C2orf74: variants seen among roughly 807,000 people sequenced by gnomAD.
C2orf74 encodes DPM1 ER membrane anchor 1.
Under a neutral mutation model 17.9 loss-of-function variants are expected in C2orf74, and 14 were observed. The observed-to-expected ratio is 0.78, with a 90% CI of 0.52 to 1.22. The LOEUF (loss-of-function observed/expected upper bound fraction) is 1.22, where lower values mean the gene tolerates loss of function less well. Among genes scored for constraint, C2orf74 ranks in the 50% most tolerant of loss-of-function variants. The pLI, the probability that C2orf74 is intolerant of heterozygous loss-of-function variation, is 0.00. For missense variants in C2orf74, 217 were observed against 218.4 expected (o/e 0.99, Z 0.04); for synonymous variants, 79 against 72.6 (o/e 1.09, Z -0.44).
chr2:61,164,040 G>A (rs1055983156), intron 4 of C2orf74, among the ~76,000 whole-genome samples: 11 of 152,040 alleles, frequency 7.2e-5, no homozygotes, highest in East Asian at 1.9e-4. Flanking sequence ...TCCCTGACAC[G>A]AACAACTCAC....
chr2:61,153,840 G>C (rs1685314051), intron 1 of C2orf74, among the ~76,000 whole-genome samples: 2 of 150,518 alleles, frequency 1.3e-5, no homozygotes, highest in Non-Finnish European at 3.0e-5. Flanking sequence ...AGTGAGCTGA[G>C]ATCGTGCCAC....
chr2:61,150,651 C>T (rs1198153770), intron 1 of C2orf74, among the ~76,000 whole-genome samples: 1 of 152,114 alleles, frequency 6.6e-6, no homozygotes, highest in East Asian at 1.9e-4. Flanking sequence ...CTCACAGGCC[C>T]TAGAAACAGG....
At chr2:61,163,365 T>C in intron 4 of C2orf74, 133 bp downstream of exon 4, 5 of 968,300 alleles carry the variant, frequency 5.2e-6, no homozygotes, top group Non-Finnish European at 6.0e-6. Context: ...TCCCAGCATT[T>C]TGGGAGGCCA....
chr2:61,150,247 T>C (rs930294569), intron 1 of C2orf74, among the ~76,000 whole-genome samples: 1 of 152,156 alleles, frequency 6.6e-6, no homozygotes, highest in Non-Finnish European at 1.5e-5. Context: ...CTAGGACTCC[T>C]GGGATGGAGG....
chr2:61,148,242 A>G (rs1047974048), intron 1 of C2orf74, among the ~76,000 whole-genome samples: 2 of 151,092 alleles, frequency 1.3e-5, no homozygotes, highest in Non-Finnish European at 2.9e-5. Flanking sequence ...GCTGGAGTGC[A>G]ATGGTGCCAT....
At chr2:61,146,816 C>T (rs1432904804) in intron 1 of C2orf74, among the ~76,000 whole-genome samples, 6 of 148,438 alleles carry the variant, frequency 4.0e-5, no homozygotes, top group Non-Finnish European at 5.9e-5. Context: ...TCCAGCCTGG[C>T]GACAGAGCAA....
chr2:61,150,032 TG>T (rs1559176005), intron 1 of C2orf74, among the ~76,000 whole-genome samples: 1 of 152,334 alleles, frequency 6.6e-6, no homozygotes, highest in East Asian at 1.9e-4. Context: ...GTTATGGTCA[TG>T]TTGCATAATA....
At chr2:61,154,899 A>T (rs1573713130) in intron 1 of C2orf74, among the ~76,000 whole-genome samples, 1 of 151,886 alleles carries the variant, frequency 6.6e-6, no homozygotes, top group South Asian at 2.1e-4. Flanking sequence ...TACTTAAAAA[A>T]AAAAAAAATA....
upstream of C2orf74, chr2:61,158,031 C>T (rs1390122757): frequency 2.1e-6 from 1 of 470,806 alleles, no homozygotes; most frequent in South Asian, 1.5e-5. Context: ...TAGGGCAGGA[C>T]TGCTTATTCT....
intron 3 of C2orf74, 22 bp from the exon 4 acceptor site, chr2:61,163,030 A>G: frequency 6.4e-7 from 1 of 1,551,962 alleles, no homozygotes. Flanking sequence ...AATGTTTAAA[A>G]CTCTACCGAT....
chr2:61,155,431 T>G (rs556801243), intron 1 of C2orf74, among the ~76,000 whole-genome samples: 11 of 152,352 alleles, frequency 7.2e-5, no homozygotes, highest in Middle Eastern at 3.4e-3. Flanking sequence ...TGTTGGGGTC[T>G]TCAAATGAAT....
chr2:61,164,798 A>T lies in C2orf74; in HGVS notation c.*271A>T, dbSNP rs1473253101. ...CTATCTACTCAAACACTGTTCTGGC[A>T]TGTGAATAAAGTGATTTTTGTTTGT... On this transcript the variant is annotated 3_prime_UTR_variant, in exon 5 of 5. Coordinates refer to ENST00000432605, the MANE Select transcript of C2orf74 (RefSeq NM_001143959.4). 4.0e-6 allele frequency: 1 copy of T among 249,098 alleles called. No individual in the cohort carries two copies. The highest frequency in any genetic ancestry group is 7.6e-6 in the Non-Finnish European group (1 of 131,726). The allele number at this position is 249,098 out of a possible 1,614,324, so 15.4% of individuals were successfully genotyped here.
At chr2:61,159,695 G>A (rs1159162773), upstream of C2orf74, among the ~76,000 whole-genome samples, 3 of 152,222 alleles carry the variant, frequency 2.0e-5, no homozygotes, top group African/African-American at 7.2e-5. Context: ...AAAGGGTGGA[G>A]ATTGAAATAA....
rs993318697 is a variant in C2orf74, at chr2:61,164,713, A to G, written c.*186A>G. 1 of 442,250 alleles carries G rather than the reference A, an allele frequency of 2.3e-6. No individual in the cohort carries two copies. Among genetic ancestry groups the G allele is most frequent in the Non-Finnish European group, 3.8e-6 (1 of 260,860 alleles). 27.4% of individuals were successfully genotyped at this position (442,250 alleles called of 1,614,324 possible). The stretch of plus-strand genomic sequence containing the variant: ...CTGTAAGTAAAATACTTAGAGCTTG[A>G]ATATAATTTTTTAAAAATTCAAATC... On this transcript the variant is annotated 3_prime_UTR_variant, in exon 5 of 5. Transcript: ENST00000432605.
Position 61,162,400 on chromosome 2 carries a change from A to G in C2orf74, c.-99-16A>G, listed in dbSNP as rs891481582. ...AGAACAACAAAGAAAACAGCTTTTTATTCCTCTGTTTCTAGAAAACTTAAA... is the reference window on the plus strand; with the variant it reads ...AGAACAACAAAGAAAACAGCTTTTTGTTCCTCTGTTTCTAGAAAACTTAAA... On this transcript the variant is annotated splice_polypyrimidine_tract_variant and intron_variant, in intron 1 of 4. Transcript: ENST00000432605. The G allele has an allele frequency of 1.3e-6, 1 of 769,848 alleles. No individual in the cohort carries two copies. The highest frequency in any genetic ancestry group is 2.1e-6 in the Non-Finnish European group (1 of 471,484). The allele number at this position is 769,848 out of a possible 1,614,324, so 47.7% of individuals were successfully genotyped here. A position where few individuals can be genotyped will look rare whatever the true frequency, so the allele number is the denominator to read the frequency against.
At chr2:61,159,028 C>T (rs1226767049), upstream of C2orf74, among the ~76,000 whole-genome samples, 1 of 152,086 alleles carries the variant, frequency 6.6e-6, no homozygotes, top group Non-Finnish European at 1.5e-5. Flanking sequence ...GACGGGGTCT[C>T]ACTCTGTCGC....
chr2:61,158,701 G>A (rs1685470974), upstream of C2orf74, among the ~76,000 whole-genome samples: 1 of 152,158 alleles, frequency 6.6e-6, no homozygotes, highest in Non-Finnish European at 1.5e-5. Flanking sequence ...TCAGGAAGTA[G>A]GGAGGGGTAA....
chr2:61,157,838 TC>T (rs1228063632), upstream of C2orf74: 1 of 469,448 alleles, frequency 2.1e-6, no homozygotes, highest in Non-Finnish European at 4.4e-6. Flanking sequence ...ATCCTGTAAT[TC>T]CTGGATCATG....
upstream of C2orf74, among the ~76,000 whole-genome samples, chr2:61,160,640 C>G (rs942525609): frequency 2.6e-5 from 4 of 152,012 alleles, no homozygotes; most frequent in Non-Finnish European, 4.4e-5. Flanking sequence ...TCCCAAGTAG[C>G]TAGGATTACA....
Sources: allele counts gnomAD v4.1 joint callset (sites outside exome capture counted in the v4.1 genomes callset), GRCh38; gene constraint gnomAD v4.1.1; transcripts MANE v1.5; gene names NCBI Gene and HGNC (gene_info 2026-07-23, HGNC 2026-07-21).